ZFAND3: variants seen among roughly 807,000 people sequenced by gnomAD.
ZFAND3 encodes AN1-type zinc finger protein 3.
In ZFAND3, 10 loss-of-function variants were observed where a neutral mutation model predicts 29.6. That is an observed-to-expected ratio of 0.34 (90% CI 0.21 to 0.57). The LOEUF is 0.57. Ranked by LOEUF, ZFAND3 falls within the 20% of genes least tolerant of loss-of-function variation. The pLI, the probability that ZFAND3 is intolerant of heterozygous loss-of-function variation, is 0.86. For synonymous variants in ZFAND3, 128 were observed against 112.6 expected, an observed-to-expected ratio of 1.14 and a Z score of -0.87; for missense variants, 230 against 304.5, an observed-to-expected ratio of 0.76 and a Z score of 1.82.
At chr6:37,927,166 T>C (rs1761499959) in intron 1 of ZFAND3, among the ~76,000 whole-genome samples, 3 of 152,188 alleles carry the variant, frequency 2.0e-5, no homozygotes, top group Admixed American at 6.5e-5. Context: ...GCATTTTAAA[T>C]ACATAAATTA....
chr6:37,935,052 G>T (rs1244759432), intron 2 of ZFAND3, among the ~76,000 whole-genome samples: 1 of 152,092 alleles, frequency 6.6e-6, no homozygotes, highest in African/African-American at 2.4e-5. Flanking sequence ...TGTGTAGGTA[G>T]AGAAGCCTGA....
chr6:37,972,927 T>C (rs571571988), intron 2 of ZFAND3, among the ~76,000 whole-genome samples: 4 of 152,322 alleles, frequency 2.6e-5, no homozygotes, highest in African/African-American at 9.6e-5. Context: ...GAATTATTCA[T>C]GCAATTTGCC....
intron 5 of ZFAND3, among the ~76,000 whole-genome samples, chr6:38,118,740 T>C (rs1182095023): frequency 7.0e-6 from 1 of 143,634 alleles, no homozygotes; most frequent in Non-Finnish European, 1.5e-5. Flanking sequence ...TTTCCTAAGG[T>C]CTTAGCATCC....
rs1764967983 is a variant in ZFAND3, at chr6:37,885,204, G to A, written c.72-44755G>A. ...AGACAAGATTGGGAAAAAAGGGGTG[G>A]GTAATTGTCAAGTTGAAGGATACTA... On this transcript the variant is annotated intron_variant, in intron 1 of 5. Transcript: ENST00000287218. Among the ~76,000 whole-genome samples, 4 of 152,130 alleles carry A rather than the reference G, an allele frequency of 2.6e-5. No individual in the cohort carries two copies. In the South Asian group the frequency reaches 8.3e-4, roughly 32 times the overall value.
chr6:38,092,530 C>T (rs1029743951), intron 4 of ZFAND3, among the ~76,000 whole-genome samples: 5 of 152,214 alleles, frequency 3.3e-5, no homozygotes, highest in African/African-American at 1.2e-4. Flanking sequence ...CAAGAATTAT[C>T]TTCCTCGTGA....
chr6:37,878,437 G>A (rs1006472833), intron 1 of ZFAND3, among the ~76,000 whole-genome samples: 1 of 151,896 alleles, frequency 6.6e-6, no homozygotes, highest in East Asian at 1.9e-4. Flanking sequence ...ATGTAGCTCT[G>A]AGAGGTGAGG....
At chr6:37,908,542 T>A (rs202243196) in intron 1 of ZFAND3, among the ~76,000 whole-genome samples, 117 of 124,084 alleles carry the variant, frequency 9.4e-4, no homozygotes, top group East Asian at 2.4e-3. Context: ...AAAAAAAAAT[T>A]AAAAAAAAAA....
chr6:37,945,357 T>G (rs1039940551), intron 2 of ZFAND3, among the ~76,000 whole-genome samples: 1 of 152,202 alleles, frequency 6.6e-6, no homozygotes, highest in African/African-American at 2.4e-5. Context: ...TGGAGGCAGA[T>G]AATTTTGGAC....
At position 38,009,228 on chromosome 6, in the gene ZFAND3, CTA is replaced by C. The variant is rs370445641; in HGVS notation, c.113-52363_113-52362del. ...AGAGAAAACTTTCTAAACTTTTTCACTATGAGTGTGTGATCTCTGATGCCAGG... is the reference window on the plus strand; with the variant it reads ...AGAGAAAACTTTCTAAACTTTTTCACTGAGTGTGTGATCTCTGATGCCAGG... On this transcript the variant is annotated intron_variant, in intron 2 of 5. Transcript: ENST00000287218. Among the ~76,000 whole-genome samples the C allele has an allele frequency of 2.3e-3, 344 of 152,248 alleles. 1 individual carries two copies. Among genetic ancestry groups the C allele is most frequent in the African/African-American group, 7.8e-3 (324 of 41,554 alleles).
chr6:37,946,560 C>T (rs963855302), intron 2 of ZFAND3, among the ~76,000 whole-genome samples: 4 of 152,138 alleles, frequency 2.6e-5, no homozygotes, highest in Non-Finnish European at 5.9e-5. Context: ...AAATTGTGAC[C>T]TATTTTTTTC....
chr6:37,868,997 A>G (rs1764641775), intron 1 of ZFAND3, among the ~76,000 whole-genome samples: 1 of 152,212 alleles, frequency 6.6e-6, no homozygotes, highest in African/African-American at 2.4e-5. Context: ...TTCAGTTAGT[A>G]GAGTTAGGGC....
intron 1 of ZFAND3, among the ~76,000 whole-genome samples, chr6:37,914,407 C>T (rs368608586): frequency 3.9e-5 from 6 of 152,104 alleles, no homozygotes; most frequent in African/African-American, 9.7e-5. Flanking sequence ...GGTGCTGGAG[C>T]GCAGTGGTGC....
Position 37,924,852 on chromosome 6 carries a change from AG to A in ZFAND3, c.72-5104del, listed in dbSNP as rs947072396. Among the ~76,000 whole-genome samples, 84 of 152,124 alleles carry A rather than the reference AG, an allele frequency of 5.5e-4. 1 individual carries two copies. The highest frequency in any genetic ancestry group is 4.9e-3 in the Admixed American group (75 of 15,268). ...AATAAAAAAATAAATTGGGTTGTTGAGGGAAGGCCAGTGAGGAGGTTTGAAC... is the reference window on the plus strand; with the variant it reads ...AATAAAAAAATAAATTGGGTTGTTGAGGAAGGCCAGTGAGGAGGTTTGAAC... On this transcript the variant is annotated intron_variant, in intron 1 of 5. Coordinates refer to ENST00000287218, the MANE Select transcript of ZFAND3 (RefSeq NM_021943.3).
rs1312548148 is a variant in ZFAND3 at position 38,154,380 on chromosome 6, G to A, written c.*1991G>A. The A allele has an allele frequency of 7.7e-6, 5 of 645,174 alleles. No individual in the cohort carries two copies. In the South Asian group the frequency reaches 2.0e-4, roughly 26 times the overall value. 40.0% of individuals were successfully genotyped at this position (645,174 alleles called of 1,614,324 possible). Reference sequence around the variant, plus strand: ...CGCTTCCTGACTTAGAGCTGGGGGGGGTGGGGGGTGGGGCTTGTTCCCCTG... The same window carrying A: ...CGCTTCCTGACTTAGAGCTGGGGGGAGTGGGGGGTGGGGCTTGTTCCCCTG... On this transcript the variant is annotated 3_prime_UTR_variant, in exon 6 of 6. Coordinates refer to ENST00000287218, the MANE Select transcript of ZFAND3 (RefSeq NM_021943.3).
At chr6:37,825,112 A>G (rs1477495036) in intron 1 of ZFAND3, among the ~76,000 whole-genome samples, 4 of 141,612 alleles carry the variant, frequency 2.8e-5, no homozygotes, top group African/African-American at 1.1e-4. Context: ...TCATCTAGCT[A>G]GTGTGCTTGG....
chr6:38,016,076 A>G (rs372593467), intron 2 of ZFAND3, among the ~76,000 whole-genome samples: 42 of 151,470 alleles, frequency 2.8e-4, no homozygotes, highest in Admixed American at 7.9e-4. Context: ...TGTCTTGCAG[A>G]TGAGACCTAA....
chr6:37,937,807 C>T (rs187659958), intron 2 of ZFAND3, among the ~76,000 whole-genome samples: 12 of 152,184 alleles, frequency 7.9e-5, no homozygotes, highest in Admixed American at 2.6e-4. Flanking sequence ...AGGGATTTCT[C>T]GTGTAACACA....
chr6:37,881,298 C>G (rs920633977), intron 1 of ZFAND3, among the ~76,000 whole-genome samples: 3 of 152,142 alleles, frequency 2.0e-5, no homozygotes, highest in Non-Finnish European at 4.4e-5. Context: ...GTTGACCAGC[C>G]TGGTCTCGAA....
chr6:38,149,410 CA>C (rs35426126), intron 5 of ZFAND3, among the ~76,000 whole-genome samples: 8,240 of 88,286 alleles, frequency 0.093, 239 homozygotes, highest in Non-Finnish European at 0.13. Context: ...GACCCTGTCT[CA>C]AAAAAAAAAA....
Sources: allele counts gnomAD v4.1 joint callset (sites outside exome capture counted in the v4.1 genomes callset), GRCh38; gene constraint gnomAD v4.1.1; transcripts MANE v1.5; gene names NCBI Gene and HGNC (gene_info 2026-07-23, HGNC 2026-07-21).